The following DOCK8 variants were observed in gnomAD, a reference collection of about 807,000 sequenced individuals.
DOCK8 encodes dedicator of cytokinesis protein 8.
Under a neutral mutation model 245.6 loss-of-function variants are expected in DOCK8, and 141 were observed. The observed-to-expected ratio is 0.57, with a 90% confidence interval of 0.50 to 0.66. DOCK8 has a LOEUF of 0.66. Ranked by LOEUF, DOCK8 falls within the 30% of genes least tolerant of loss-of-function variation. The pLI is 0.00. For synonymous variants in DOCK8, 1,168 were observed against 970.2 expected (o/e 1.20, Z -3.79); for missense variants, 2,965 against 2,603.4 (o/e 1.14, Z -3.02).
At chr9:339,830 AC>A (rs2051493926) in intron 13 of DOCK8, among the ~76,000 whole-genome samples, 1 of 151,586 alleles carries the variant, frequency 6.6e-6, no homozygotes, top group African/African-American at 2.4e-5. Flanking sequence ...CAATTTTAAA[AC>A]TCCCAATTTT....
chr9:340,952 G>A (rs1181411122), intron 14 of DOCK8, among the ~76,000 whole-genome samples: 1 of 152,162 alleles, frequency 6.6e-6, no homozygotes, highest in Non-Finnish European at 1.5e-5. Context: ...TAGAAAAAGA[G>A]CAATGTGACC....
chr9:390,235 A>G (rs947850495), intron 23 of DOCK8, among the ~76,000 whole-genome samples: 7 of 152,126 alleles, frequency 4.6e-5, no homozygotes, highest in East Asian at 1.9e-4. Context: ...ACTCCCTCAG[A>G]TGTGTCTGTC....
intron 4 of DOCK8, among the ~76,000 whole-genome samples, chr9:303,675 C>G (rs530722992): frequency 6.6e-6 from 1 of 152,186 alleles, no homozygotes; most frequent in Admixed American, 6.5e-5. Flanking sequence ...GGTTGAAAAA[C>G]TGCCTATTGA....
chr9:406,346 A>C (rs1378256280), intron 27 of DOCK8, among the ~76,000 whole-genome samples: 8 of 152,026 alleles, frequency 5.3e-5, no homozygotes, highest in African/African-American at 1.9e-4. Context: ...AAAATGCATC[A>C]GGTGTGGTAG....
At chr9:383,755 C>T (rs2053830135) in intron 22 of DOCK8, among the ~76,000 whole-genome samples, 1 of 141,336 alleles carries the variant, frequency 7.1e-6, no homozygotes, top group Non-Finnish European at 1.6e-5. Flanking sequence ...ATTTTACAAG[C>T]ATATAAAAAC....
intron 39 of DOCK8, among the ~76,000 whole-genome samples, chr9:435,306 G>A (rs1240971774): frequency 6.6e-6 from 1 of 151,928 alleles, no homozygotes; most frequent in Non-Finnish European, 1.5e-5. Flanking sequence ...TACAATAATG[G>A]CACCTAGCCA....
At position 421,188 on chromosome 9, in the gene DOCK8, C is replaced by T. The variant is rs149845402; in HGVS notation, c.4153+110C>T. 3,465 of 1,459,300 alleles carry T rather than the reference C, an allele frequency of 2.4e-3. 17 individuals carry two copies. The highest frequency in any genetic ancestry group is 0.011 in the Middle Eastern group (45 of 4,174). The allele number at this position is 1,459,300 out of a possible 1,614,324, so 90.4% of individuals were successfully genotyped here. A position where few individuals can be genotyped will look rare whatever the true frequency, so the allele number is the denominator to read the frequency against. On this transcript the variant is annotated intron_variant, in intron 32 of 47. Transcript: ENST00000432829. The stretch of plus-strand genomic sequence containing the variant: ...CACCATTACTTTCTTGAGATATTTA[C>T]GGTAGTGTCAGAGACAGCGGATTCT...
chr9:453,862 C>T (rs1047334509), intron 46 of DOCK8, among the ~76,000 whole-genome samples: 1 of 152,076 alleles, frequency 6.6e-6, no homozygotes, highest in Non-Finnish European at 1.5e-5. Flanking sequence ...TGGTTGAATG[C>T]TTCCAAAGTT....
intron 1 of DOCK8, among the ~76,000 whole-genome samples, chr9:257,350 AGGGTGATTAC>A (rs2047802328): frequency 6.6e-6 from 1 of 152,156 alleles, no homozygotes; most frequent in African/African-American, 2.4e-5. Context: ...AGACTGAGGG[AGGGTGATTAC>A]AGTCCTATGT....
At chr9:329,696 A>C (rs1371177422) in intron 9 of DOCK8, among the ~76,000 whole-genome samples, 1 of 152,222 alleles carries the variant, frequency 6.6e-6, no homozygotes, top group East Asian at 1.9e-4. Context: ...GAAGAAGCCA[A>C]CACTAGTTCT....
chr9:392,024 T>G (rs1437125733), intron 24 of DOCK8, among the ~76,000 whole-genome samples: 2 of 150,428 alleles, frequency 1.3e-5, no homozygotes, highest in African/African-American at 4.9e-5. Flanking sequence ...TGTAATCCCA[T>G]CTACTCAGGA....
intron 19 of DOCK8, 23 bp downstream of exon 19, chr9:376,328 A>G (rs1284551413): frequency 1.1e-5 from 17 of 1,540,834 alleles, no homozygotes; most frequent in Non-Finnish European, 1.4e-5. Context: ...AAGGTTAATC[A>G]TGAAGGTAAA....
At chr9:340,883 G>T (rs1424355520) in intron 14 of DOCK8, among the ~76,000 whole-genome samples, 2 of 151,896 alleles carry the variant, frequency 1.3e-5, no homozygotes, top group African/African-American at 4.8e-5. Flanking sequence ...GTTTTCCAGA[G>T]ATTAAAAAAA....
intron 26 of DOCK8, among the ~76,000 whole-genome samples, chr9:400,863 C>T (rs200355095): frequency 5.0e-4 from 39 of 78,312 alleles, no homozygotes; most frequent in East Asian, 1.5e-3. Flanking sequence ...ACCACCTCCT[C>T]CACCATCACC....
chr9:365,690 G>A (rs539995577), intron 14 of DOCK8: 2 of 442,534 alleles, frequency 4.5e-6, no homozygotes, highest in South Asian at 3.3e-5. Flanking sequence ...CTTGCCAAAG[G>A]CCATGCAGCT....
At chr9:400,285 TTCA>T (rs1183240866) in intron 26 of DOCK8, among the ~76,000 whole-genome samples, 2 of 21,826 alleles carry the variant, frequency 9.2e-5, no homozygotes, top group Non-Finnish European at 1.4e-4. Context: ...CACCACTTCC[TTCA>T]CCACCACCAC....
At chr9:351,736 T>G (rs983821447) in intron 14 of DOCK8, among the ~76,000 whole-genome samples, 1 of 152,222 alleles carries the variant, frequency 6.6e-6, no homozygotes, top group Non-Finnish European at 1.5e-5. Context: ...GTCCAAAGTC[T>G]GTCTACTTAG....
intron 9 of DOCK8, among the ~76,000 whole-genome samples, chr9:332,026 G>T (rs2051034775): frequency 6.6e-6 from 1 of 152,100 alleles, no homozygotes; most frequent in South Asian, 2.1e-4. Flanking sequence ...CCTGGGTTTT[G>T]TTTTATAAAA....
chr9:289,904 T>C (rs2048969470), intron 4 of DOCK8, among the ~76,000 whole-genome samples: 1 of 152,228 alleles, frequency 6.6e-6, no homozygotes, highest in Non-Finnish European at 1.5e-5. Flanking sequence ...TGTAATGACA[T>C]GTATATGCCT....
Sources: gnomAD v4.1 joint callset for allele counts (sites outside exome capture counted in the v4.1 genomes callset) on GRCh38, gnomAD v4.1.1 for gene constraint, MANE v1.5 for transcripts, NCBI Gene and HGNC (gene_info 2026-07-23, HGNC 2026-07-21) for gene names.